Variants in ELAPOR2 observed in about 807,000 individuals in gnomAD.
ELAPOR2 encodes endosome-lysosome associated apoptosis and autophagy regulator family member 2.
Under a neutral mutation model 120.7 loss-of-function variants are expected in ELAPOR2, and 89 were observed. The observed-to-expected ratio is 0.74, with a 90% CI of 0.62 to 0.88. The LOEUF (loss-of-function observed/expected upper bound fraction) is 0.88. Among genes scored for constraint, ELAPOR2 ranks in the 40% least tolerant of loss-of-function variants. The probability of loss-of-function intolerance (pLI) is 0.00; values close to 1 mark genes in which losing one functional copy is unlikely to be tolerated. For missense variants in ELAPOR2, 1,134 were observed against 1,251.6 expected, an observed-to-expected ratio of 0.91 and a Z score of 1.42; for synonymous variants, 444 against 444.9, an observed-to-expected ratio of 1.00 and a Z score of 0.03.
rs1168164576 is a variant in ELAPOR2, at chr7:86,986,422, C to T, written c.190-21398G>A. Among the ~76,000 whole-genome samples the T allele has an allele frequency of 6.8e-5, 6 of 88,616 alleles. No individual in the cohort carries two copies. In the South Asian group the frequency reaches 1.6e-3, roughly 24 times the overall value. 58.1% of individuals were successfully genotyped at this position (88,616 alleles called of 152,430 possible). A position where few individuals can be genotyped will look rare whatever the true frequency, so the allele number is the denominator to read the frequency against. ...CCAGCCTGGGCGACAGAGCGAGACT[C>T]CGTCTCAAAAAAAAAAAAAAAGAAA... On this transcript the variant is annotated intron_variant, in intron 1 of 21. Transcript: ENST00000450689.
intron 1 of ELAPOR2, among the ~76,000 whole-genome samples, chr7:86,990,458 A>C (rs1792907332): frequency 6.6e-6 from 1 of 152,174 alleles, no homozygotes; most frequent in South Asian, 2.1e-4. Context: ...CCATGTGACC[A>C]GCAAGAAGGT....
rs184234789 is a variant in ELAPOR2 at position 86,950,500 on chromosome 7, C to T, written c.311-2578G>A. Reference sequence around the variant, plus strand: ...GCCTCTTTGGGGCTCTGTCTCCAAGCTTCTGGGTGCCACCATATTCCCCGG... The same window carrying T: ...GCCTCTTTGGGGCTCTGTCTCCAAGTTTCTGGGTGCCACCATATTCCCCGG... On this transcript the variant is annotated intron_variant, in intron 2 of 21. Coordinates refer to ENST00000450689, the MANE Select transcript of ELAPOR2 (RefSeq NM_001142749.3). Among the ~76,000 whole-genome samples the T allele has an allele frequency of 5.9e-5, 9 of 152,228 alleles. No individual in the cohort carries two copies. In the East Asian group the frequency reaches 1.7e-3, roughly 29 times the overall value.
chr7:87,022,559 A>G (rs1338168266), intron 1 of ELAPOR2, among the ~76,000 whole-genome samples: 1 of 152,140 alleles, frequency 6.6e-6, no homozygotes, highest in African/African-American at 2.4e-5. Context: ...GTATCTTTAT[A>G]GCAGCATGAT....
chr7:86,924,517 G>GA (rs920524378), intron 10 of ELAPOR2, among the ~76,000 whole-genome samples: 62 of 145,816 alleles, frequency 4.3e-4, no homozygotes, highest in East Asian at 2.2e-3. Flanking sequence ...GACATTTTAG[G>GA]AAAAAAAAAA....
At chr7:86,909,349 C>T (rs990757175) in intron 16 of ELAPOR2, among the ~76,000 whole-genome samples, 2 of 152,002 alleles carry the variant, frequency 1.3e-5, no homozygotes, top group African/African-American at 2.4e-5. Context: ...CTATGACCTC[C>T]AGGACTACAG....
chr7:86,907,952 T>G (rs1198891798), intron 17 of ELAPOR2, among the ~76,000 whole-genome samples, 181 bp from the exon 18 acceptor site: 1 of 152,034 alleles, frequency 6.6e-6, no homozygotes, highest in East Asian at 1.9e-4. Context: ...TATGAAAAGT[T>G]GACTACTTTC....
chr7:87,001,811 G>T (rs1793328786), intron 1 of ELAPOR2, among the ~76,000 whole-genome samples: 1 of 152,098 alleles, frequency 6.6e-6, no homozygotes, highest in African/African-American at 2.4e-5. Flanking sequence ...CAAGAAACCT[G>T]AGTTACCTAA....
rs188871423 is a variant in ELAPOR2 at position 87,010,051 on chromosome 7, C to T, written c.190-45027G>A. 3.2e-4 allele frequency among the ~76,000 whole-genome samples: 48 copies of T among 152,290 alleles called. 1 individual carries two copies. In the East Asian group the frequency reaches 8.9e-3, roughly 28 times the overall value. ...TTCTATTTCTCTAGAGGTCTCTTTTCCCAGTTTCAGAAATAAAATCTGTGC... is the reference window on the plus strand; with the variant it reads ...TTCTATTTCTCTAGAGGTCTCTTTTTCCAGTTTCAGAAATAAAATCTGTGC... On this transcript the variant is annotated intron_variant, in intron 1 of 21. Transcript: ENST00000450689.
In ELAPOR2 at chr7:87,005,184, A is replaced by C. The variant is rs58661255; in HGVS notation, c.190-40160T>G. 3.5e-3 allele frequency among the ~76,000 whole-genome samples: 529 copies of C among 152,288 alleles called. 3 individuals are homozygous for C. The highest frequency in any genetic ancestry group is 0.012 in the African/African-American group (506 of 41,558). ...GTGAGACAGTTTATAATGGAAGCTC[A>C]ATACGTATACACCAAACAAATGAAC... On this transcript the variant is annotated intron_variant, in intron 1 of 21. Coordinates refer to ENST00000450689, the MANE Select transcript of ELAPOR2 (RefSeq NM_001142749.3).
intron 2 of ELAPOR2, among the ~76,000 whole-genome samples, chr7:86,953,862 C>T (rs1394199843): frequency 6.6e-6 from 1 of 152,082 alleles, no homozygotes; most frequent in East Asian, 1.9e-4. Flanking sequence ...AATAGTTTAC[C>T]TAAGCACCCA....
chr7:87,005,225 A>G (rs981831128), intron 1 of ELAPOR2, among the ~76,000 whole-genome samples: 3 of 152,182 alleles, frequency 2.0e-5, no homozygotes, highest in African/African-American at 7.2e-5. Context: ...GAAAAAAAGA[A>G]AGGCATGTCA....
intron 15 of ELAPOR2, chr7:86,911,806 C>T (rs1789323105): frequency 3.6e-6 from 2 of 561,530 alleles, no homozygotes; most frequent in African/African-American, 1.9e-5. Flanking sequence ...AACAAAACAT[C>T]CTCAAAGCAC....
Position 86,891,638 on chromosome 7 carries a change from A to G in ELAPOR2, c.3030+86T>C. The G allele has an allele frequency of 1.8e-6, 2 of 1,130,010 alleles. 1 individual carries two copies. The highest frequency in any genetic ancestry group is 4.2e-4 in the Middle Eastern group (2 of 4,782). The allele number at this position is 1,130,010 out of a possible 1,614,324, so 70.0% of individuals were successfully genotyped here. A position where few individuals can be genotyped will look rare whatever the true frequency, so the allele number is the denominator to read the frequency against. ...CACTGAGATATAAACATGCAAAATAACAGCTTGCGTGAATGCTATTATTAG... is the reference window on the plus strand; with the variant it reads ...CACTGAGATATAAACATGCAAAATAGCAGCTTGCGTGAATGCTATTATTAG... On this transcript the variant is annotated intron_variant, in intron 21 of 21. Coordinates refer to ENST00000450689, the MANE Select transcript of ELAPOR2 (RefSeq NM_001142749.3).
At chr7:86,992,706 AG>A (rs1792985113) in intron 1 of ELAPOR2, among the ~76,000 whole-genome samples, 1 of 152,214 alleles carries the variant, frequency 6.6e-6, no homozygotes, top group East Asian at 1.9e-4. Context: ...TTCCCAGTAG[AG>A]TCTGATCACA....
intron 2 of ELAPOR2, among the ~76,000 whole-genome samples, chr7:86,950,137 C>T (rs1791183422): frequency 6.6e-6 from 1 of 152,234 alleles, no homozygotes; most frequent in South Asian, 2.1e-4. Context: ...CTGCTGAGAG[C>T]TGAACAGTAG....
chr7:86,971,667 A>G (rs534471013), intron 1 of ELAPOR2, among the ~76,000 whole-genome samples: 1 of 152,326 alleles, frequency 6.6e-6, no homozygotes, highest in East Asian at 1.9e-4. Flanking sequence ...AGGATTAAAA[A>G]TACCAAAGAG....
In ELAPOR2 at chr7:86,897,526, C is replaced by G; in HGVS notation, c.2665G>C (p.Ala889Pro). Residue 889 changes from alanine to proline, a missense_variant, in exon 19 of 22, where the codon GCC becomes CCC. This residue lies in a region of ELAPOR2 where 831 missense variants were observed against 867.6 expected (regional missense o/e 0.96). Transcript: ENST00000450689. ...CTTACCTGAAATCCTCTCTTGCAGG[C>G]TCCCTCAATCTCATGGAAGTCATGC... ...TEHDFHEIEG[A>P]CKRGFQETLY... The G allele has an allele frequency of 1.2e-6, 2 of 1,612,864 alleles. No homozygotes were observed. Among genetic ancestry groups the G allele is most frequent in the Non-Finnish European group, 8.5e-7 (1 of 1,179,282 alleles).
intron 2 of ELAPOR2, among the ~76,000 whole-genome samples, chr7:86,953,359 A>G (rs906983877): frequency 6.6e-6 from 1 of 152,178 alleles, no homozygotes; most frequent in East Asian, 1.9e-4. Flanking sequence ...AAAGAGCCAC[A>G]CTTTCTTGGT....
chr7:87,019,673 C>T (rs553599535), intron 1 of ELAPOR2, among the ~76,000 whole-genome samples: 81 of 152,302 alleles, frequency 5.3e-4, no homozygotes, highest in African/African-American at 1.9e-3. Context: ...AAGAAACAGA[C>T]ACTCAAATAT....
Sources: allele counts gnomAD v4.1 joint callset (sites outside exome capture counted in the v4.1 genomes callset), GRCh38; gene constraint gnomAD v4.1.1; regional missense constraint gnomAD v4.1.1; transcripts MANE v1.5; gene names NCBI Gene and HGNC (gene_info 2026-07-23, HGNC 2026-07-21).